The following NRG3 variants were observed in gnomAD, a reference collection of about 807,000 sequenced individuals.
The protein encoded by NRG3 is pro-neuregulin-3, membrane-bound isoform.
Under a neutral mutation model 66.9 loss-of-function variants are expected in NRG3, and 31 were observed. That is an observed-to-expected ratio of 0.46 (90% CI 0.35 to 0.63). The LOEUF is 0.63. Ranked by LOEUF, NRG3 falls within the 20% of genes least tolerant of loss-of-function variation. NRG3 has a pLI of 0.00. For synonymous variants in NRG3, 393 were observed against 359.4 expected (o/e 1.09, Z -1.06); for missense variants, 910 against 878.9 (o/e 1.04, Z -0.45).
chr10:81,993,594 A>G (rs1564720252), intron 1 of NRG3, among the ~76,000 whole-genome samples: 1 of 151,936 alleles, frequency 6.6e-6, no homozygotes, highest in Non-Finnish European at 1.5e-5. Flanking sequence ...TGATCCTCCC[A>G]CCATGTCCTC....
chr10:82,820,637 A>G (rs2061910573), intron 3 of NRG3, among the ~76,000 whole-genome samples: 1 of 152,186 alleles, frequency 6.6e-6, no homozygotes. Context: ...AAACTTCCGA[A>G]TTATATTATT....
chr10:82,574,691 A>G (rs2045933480), intron 2 of NRG3, among the ~76,000 whole-genome samples: 1 of 151,796 alleles, frequency 6.6e-6, no homozygotes, highest in South Asian at 2.1e-4. Flanking sequence ...AAAATGTGGT[A>G]TACATACATA....
intron 2 of NRG3, among the ~76,000 whole-genome samples, chr10:82,737,266 C>G (rs1256579155): frequency 6.6e-6 from 1 of 152,110 alleles, no homozygotes; most frequent in African/African-American, 2.4e-5. Flanking sequence ...GAGTGCCAGG[C>G]TTAAAAAGGT....
At chr10:82,459,345 A>G (rs1197469154) in intron 2 of NRG3, among the ~76,000 whole-genome samples, 1 of 152,144 alleles carries the variant, frequency 6.6e-6, no homozygotes, top group Non-Finnish European at 1.5e-5. Flanking sequence ...TACTACCACC[A>G]TTGTTAGTGT....
intron 2 of NRG3, among the ~76,000 whole-genome samples, chr10:82,579,081 C>A (rs958193027): frequency 6.6e-6 from 1 of 151,634 alleles, no homozygotes; most frequent in African/African-American, 2.4e-5. Context: ...ATTCAGTCTA[C>A]TTTATGAGGT....
chr10:82,572,350 C>CA (rs537218171), intron 2 of NRG3, among the ~76,000 whole-genome samples: 2,851 of 145,512 alleles, frequency 0.02, 43 homozygotes, highest in Non-Finnish European at 0.029. Context: ...CTATTTTGTA[C>CA]AAAAAAAAAA....
At chr10:82,345,505 C>T (rs2135435825) in intron 1 of NRG3, among the ~76,000 whole-genome samples, 2 of 151,810 alleles carry the variant, frequency 1.3e-5, no homozygotes, top group African/African-American at 2.4e-5. Flanking sequence ...TGTGATGCCT[C>T]CAGCTTTGTT....
intron 1 of NRG3, among the ~76,000 whole-genome samples, chr10:82,097,283 G>T (rs1186425640): frequency 6.6e-6 from 1 of 151,004 alleles, no homozygotes; most frequent in East Asian, 1.9e-4. Context: ...TTTGCTCAGT[G>T]ATATTCAATT....
chr10:82,804,492 C>T (rs2061192245), intron 3 of NRG3, among the ~76,000 whole-genome samples: 1 of 152,156 alleles, frequency 6.6e-6, no homozygotes, highest in Non-Finnish European at 1.5e-5. Context: ...CTGGCATCCA[C>T]AGGGGGTCGA....
chr10:82,213,297 A>C (rs997078988), intron 1 of NRG3, among the ~76,000 whole-genome samples: 1 of 152,228 alleles, frequency 6.6e-6, no homozygotes, highest in Non-Finnish European at 1.5e-5. Flanking sequence ...AAATTTTTCA[A>C]AACTATAAAC....
chr10:82,155,303 G>A (rs1351280971), intron 1 of NRG3, among the ~76,000 whole-genome samples: 1 of 151,776 alleles, frequency 6.6e-6, no homozygotes, highest in African/African-American at 2.4e-5. Context: ...CAGTCCTCAT[G>A]ATAGTGTTGA....
At chr10:82,003,496 A>G (rs1402349332) in intron 1 of NRG3, among the ~76,000 whole-genome samples, 5 of 152,222 alleles carry the variant, frequency 3.3e-5, no homozygotes, top group Non-Finnish European at 7.3e-5. Context: ...GGTAGGACTA[A>G]GAGACTGAGG....
chr10:82,978,241 A>C (rs1852489708), intron 7 of NRG3, among the ~76,000 whole-genome samples: 1 of 152,146 alleles, frequency 6.6e-6, no homozygotes, highest in Non-Finnish European at 1.5e-5. Context: ...CTATGTAGGA[A>C]TTCTCAGTTT....
At chr10:82,031,408 T>G (rs73314668) in intron 1 of NRG3, among the ~76,000 whole-genome samples, 7,258 of 152,142 alleles carry the variant, frequency 0.048, 577 homozygotes, top group African/African-American at 0.16. Flanking sequence ...ATTCTAACTC[T>G]TTATCCTTAG....
At chr10:82,941,218 C>A (rs1405922743) in intron 4 of NRG3, among the ~76,000 whole-genome samples, 4 of 152,060 alleles carry the variant, frequency 2.6e-5, no homozygotes, top group Non-Finnish European at 5.9e-5. Flanking sequence ...GCCCACCCTG[C>A]CAGGGTGCCA....
At chr10:82,963,665 G>A (rs1850906254) in intron 6 of NRG3, among the ~76,000 whole-genome samples, 1 of 151,888 alleles carries the variant, frequency 6.6e-6, no homozygotes, top group Non-Finnish European at 1.5e-5. Flanking sequence ...GGGTGACAGA[G>A]CGAGACAACG....
intron 1 of NRG3, among the ~76,000 whole-genome samples, chr10:82,137,616 T>C (rs11192660): frequency 0.22 from 34,120 of 152,100 alleles, 4,816 homozygotes; most frequent in African/African-American, 0.4. Context: ...AACTAATTGA[T>C]TCAAGAAAAC....
intron 1 of NRG3, among the ~76,000 whole-genome samples, chr10:81,955,486 A>T (rs985078538): frequency 2.0e-5 from 3 of 152,096 alleles, no homozygotes; most frequent in Non-Finnish European, 4.4e-5. Context: ...ACTGATTGGG[A>T]TCTGTATCCA....
chr10:82,789,765 T>C (rs905198064), intron 3 of NRG3, among the ~76,000 whole-genome samples: 1 of 152,116 alleles, frequency 6.6e-6, no homozygotes, highest in Non-Finnish European at 1.5e-5. Context: ...CTCCCTATTC[T>C]TCTATCACAG....
Sources: allele counts gnomAD v4.1 joint callset (sites outside exome capture counted in the v4.1 genomes callset), GRCh38; gene constraint gnomAD v4.1.1; transcripts MANE v1.5; gene names NCBI Gene and HGNC (gene_info 2026-07-23, HGNC 2026-07-21).